CHID1: variants seen among roughly 807,000 people sequenced by gnomAD.
The protein encoded by CHID1 is chitinase domain-containing protein 1.
A neutral mutation model predicts 55.4 loss-of-function variants in CHID1; 44 were observed. The ratio of observed to expected loss-of-function variants is 0.79; its 90% CI spans 0.62 to 1.02. CHID1 has a LOEUF of 1.02. Ranked by LOEUF, CHID1 falls within the 50% of genes least tolerant of loss-of-function variation. CHID1 has a pLI of 0.00. For synonymous variants in CHID1, 216 were observed against 212.9 expected (o/e 1.01, Z -0.13); for missense variants, 491 against 515.3 (o/e 0.95, Z 0.46).
chr11:898,699 G>T (rs928698395), intron 7 of CHID1, among the ~76,000 whole-genome samples: 2 of 152,216 alleles, frequency 1.3e-5, no homozygotes, highest in Admixed American at 6.5e-5. Flanking sequence ...CAGGCCAGGT[G>T]GGGGAGCCAT....
intron 8 of CHID1, among the ~76,000 whole-genome samples, chr11:890,285 C>T (rs1042490535): frequency 1.3e-5 from 2 of 152,246 alleles, no homozygotes; most frequent in Admixed American, 6.5e-5. Context: ...CCTGAGGCTG[C>T]GGGCAAGAGG....
chr11:910,699 G>A (rs1224002605), intron 1 of CHID1, 76 bp downstream of exon 1: 8 of 1,260,412 alleles, frequency 6.3e-6, no homozygotes, highest in Admixed American at 2.5e-5. Flanking sequence ...CTCGCTGCCC[G>A]GCGCGCCCAC....
At chr11:883,586 C>G (rs1237129876) in intron 9 of CHID1, among the ~76,000 whole-genome samples, 1 of 152,208 alleles carries the variant, frequency 6.6e-6, no homozygotes, top group Admixed American at 6.5e-5. Context: ...GGGCTGTCAG[C>G]AGAGCGGGCC....
intron 1 of CHID1, 52 bp downstream of exon 1, chr11:910,723 A>G: frequency 8.0e-7 from 1 of 1,248,760 alleles, no homozygotes; most frequent in Admixed American, 2.6e-5. Context: ...GCGGGAGGGA[A>G]ACTGAGGCCG....
intron 8 of CHID1, among the ~76,000 whole-genome samples, chr11:892,356 A>T (rs1486972889): frequency 2.6e-5 from 4 of 152,208 alleles, no homozygotes; most frequent in Non-Finnish European, 5.9e-5. Flanking sequence ...TGCAGACGGG[A>T]GGCTCCCCAG....
At chr11:870,264 T>TGGCC (rs1849076137) in intron 11 of CHID1, 101 bp from the exon 12 acceptor site, 1 of 1,513,678 alleles carries the variant, frequency 6.6e-7, no homozygotes, top group African/African-American at 1.4e-5. Context: ...ACCCACCAGG[T>TGGCC]GGCCACCTGC....
chr11:908,878 G>T (rs961904833), intron 1 of CHID1, among the ~76,000 whole-genome samples: 1 of 152,246 alleles, frequency 6.6e-6, no homozygotes, highest in African/African-American at 2.4e-5. Context: ...ACACTTCAGG[G>T]AAGGAAGAGG....
chr11:902,172 C>A (rs765411508), intron 4 of CHID1, 26 bp downstream of exon 4: 5 of 1,612,508 alleles, frequency 3.1e-6, no homozygotes, highest in Non-Finnish European at 4.2e-6. Context: ...GTGGGGCAAG[C>A]ACAGTCAAGC....
chr11:881,333 G>A (rs935789778), intron 10 of CHID1, among the ~76,000 whole-genome samples: 6 of 152,178 alleles, frequency 3.9e-5, no homozygotes, highest in African/African-American at 1.4e-4. Context: ...CACTGGATGA[G>A]ATTAACGGTA....
intron 10 of CHID1, 88 bp from the exon 11 acceptor site, chr11:870,587 G>T: frequency 1.1e-6 from 1 of 943,214 alleles, no homozygotes; most frequent in Non-Finnish European, 1.7e-6. Context: ...CTCTCAGCAG[G>T]GGCAGGGCCA....
intron 1 of CHID1, 161 bp downstream of exon 1, chr11:910,614 C>T: frequency 1.6e-6 from 2 of 1,256,060 alleles, no homozygotes; most frequent in Non-Finnish European, 2.1e-6. Flanking sequence ...CACACGCCCC[C>T]TCACACACTT....
intron 10 of CHID1, among the ~76,000 whole-genome samples, chr11:882,079 C>A (rs1849993815): frequency 1.3e-5 from 2 of 151,794 alleles, no homozygotes. Flanking sequence ...GTAATCCCAG[C>A]ACTTTGGGAG....
At chr11:914,305 C>T (rs1333872321), upstream of CHID1, 5 of 227,808 alleles carry the variant, frequency 2.2e-5, no homozygotes, top group African/African-American at 7.1e-5. Context: ...CCTCCTTACC[C>T]GGGGTGGGTG....
At chr11:908,572 C>A in intron 1 of CHID1, 2 of 985,346 alleles carry the variant, frequency 2.0e-6, no homozygotes, top group Non-Finnish European at 2.4e-6. Context: ...GCTGCCTCAG[C>A]TCCCAGGCAC....
intron 10 of CHID1, among the ~76,000 whole-genome samples, chr11:879,438 G>A (rs184926846): frequency 8.1e-3 from 301 of 37,034 alleles, no homozygotes; most frequent in Admixed American, 0.022. Flanking sequence ...AACATGACTG[G>A]TGTCTTATAA....
At chr11:883,066 C>G in intron 10 of CHID1, 82 bp downstream of exon 10, 1 of 1,430,260 alleles carries the variant, frequency 7.0e-7, no homozygotes, top group South Asian at 1.3e-5. Context: ...CCGAGACCCT[C>G]CCCATCACTC....
In CHID1 at chr11:888,225, G is replaced by A. The variant is rs1342577012; in HGVS notation, c.702-4056C>T. Among the ~76,000 whole-genome samples the A allele has an allele frequency of 2.6e-5, 4 of 152,318 alleles. No homozygotes were observed. In the South Asian group the frequency reaches 6.2e-4, roughly 24 times the overall value. On this transcript the variant is annotated intron_variant, in intron 8 of 12. Transcript: ENST00000323578. ...GCTTTCAAGGGTGGTAACACAACAC[G>A]AGGGAACAAAGCAGGCCCCATTCAG...
At chr11:882,937 TGTGTGGCC>T in intron 10 of CHID1, 1 of 539,416 alleles carries the variant, frequency 1.9e-6, no homozygotes, top group East Asian at 3.1e-5. Flanking sequence ...CTCACGCAGA[TGTGTGGCC>T]GTGTTATGGG....
chr11:899,965 G>A, intron 6 of CHID1, 39 bp downstream of exon 6: 2 of 1,510,772 alleles, frequency 1.3e-6, no homozygotes, highest in Non-Finnish European at 1.8e-6. Flanking sequence ...GGGACCCGGG[G>A]GGCTGTGCTC....
Sources: gnomAD v4.1 joint callset for allele counts (sites outside exome capture counted in the v4.1 genomes callset) on GRCh38, gnomAD v4.1.1 for gene constraint, MANE v1.5 for transcripts, NCBI Gene and HGNC (gene_info 2026-07-23, HGNC 2026-07-21) for gene names.